UBE2H: variants seen among roughly 807,000 people sequenced by gnomAD.
UBE2H encodes ubiquitin-conjugating enzyme E2 H.
A neutral mutation model predicts 29.0 loss-of-function variants in UBE2H; 3 were observed. The observed-to-expected ratio is 0.10, with a 90% CI of 0.05 to 0.27. UBE2H has a LOEUF of 0.27. UBE2H is among the 10% of genes least tolerant of loss of function. The pLI is 1.00. For missense variants in UBE2H, 68 were observed against 228.2 expected (o/e 0.30, Z 4.52); for synonymous variants, 69 against 82.9 (o/e 0.83, Z 0.91).
chr7:129,841,588 G>A (rs976412985), intron 5 of UBE2H, among the ~76,000 whole-genome samples: 10 of 152,062 alleles, frequency 6.6e-5, no homozygotes, highest in Admixed American at 2.0e-4. Context: ...ATCCTGTATT[G>A]GACAGTGCAG....
chr7:129,885,672 G>T (rs1806345554), intron 1 of UBE2H, among the ~76,000 whole-genome samples: 1 of 152,130 alleles, frequency 6.6e-6, no homozygotes, highest in Non-Finnish European at 1.5e-5. Context: ...TACCTCATAT[G>T]AAAACCCAAA....
chr7:129,901,524 G>C (rs1398352035), intron 1 of UBE2H, among the ~76,000 whole-genome samples: 2 of 152,202 alleles, frequency 1.3e-5, no homozygotes, highest in Non-Finnish European at 2.9e-5. Flanking sequence ...ATTTCAACGA[G>C]ATTTTGAAGA....
At chr7:129,907,664 C>G (rs1418716362) in intron 1 of UBE2H, among the ~76,000 whole-genome samples, 1 of 152,142 alleles carries the variant, frequency 6.6e-6, no homozygotes, top group Non-Finnish European at 1.5e-5. Flanking sequence ...GAAAATTAAT[C>G]TGGCAACTGT....
At chr7:129,836,690 G>T (rs1805331396) in intron 6 of UBE2H, among the ~76,000 whole-genome samples, 1 of 151,942 alleles carries the variant, frequency 6.6e-6, no homozygotes, top group Non-Finnish European at 1.5e-5. Context: ...GACCAGCCTG[G>T]CCAACATGGT....
At chr7:129,845,794 A>G (rs1481857463) in intron 5 of UBE2H, among the ~76,000 whole-genome samples, 1 of 152,186 alleles carries the variant, frequency 6.6e-6, no homozygotes, top group Admixed American at 6.5e-5. Context: ...TTGCTCTTTG[A>G]CCTTGGGCAG....
At chr7:129,880,848 G>T in intron 2 of UBE2H, 47 bp downstream of exon 2, 1 of 1,524,304 alleles carries the variant, frequency 6.6e-7, no homozygotes, top group South Asian at 1.2e-5. Context: ...TTAAGAAACA[G>T]AGTAAAAGAC....
chr7:129,851,356 T>C (rs1230129258), intron 5 of UBE2H, among the ~76,000 whole-genome samples: 1 of 152,232 alleles, frequency 6.6e-6, no homozygotes, highest in African/African-American at 2.4e-5. Context: ...GTTATTAACC[T>C]TCCAGAAATG....
At chr7:129,864,552 C>CTTTTTTTTTTTTT (rs757244811) in intron 3 of UBE2H, among the ~76,000 whole-genome samples, 19 of 75,660 alleles carry the variant, frequency 2.5e-4, no homozygotes, top group East Asian at 4.1e-4. Flanking sequence ...TTTTTCTTTT[C>CTTTTTTTTTTTTT]TTTCTTTTTT....
chr7:129,909,679 G>A (rs1041510701), intron 1 of UBE2H, among the ~76,000 whole-genome samples: 1 of 151,904 alleles, frequency 6.6e-6, no homozygotes, highest in Non-Finnish European at 1.5e-5. Context: ...AACATAATGA[G>A]ACCCTGTCTG....
intron 1 of UBE2H, among the ~76,000 whole-genome samples, chr7:129,934,561 C>T (rs1172177074): frequency 6.8e-6 from 1 of 148,108 alleles, no homozygotes; most frequent in Non-Finnish European, 1.5e-5. Context: ...TCGCTTGAAC[C>T]TGGGAGGTAG....
At chr7:129,913,198 G>A (rs1399770077) in intron 1 of UBE2H, among the ~76,000 whole-genome samples, 2 of 147,884 alleles carry the variant, frequency 1.4e-5, no homozygotes, top group Admixed American at 6.9e-5. Flanking sequence ...GCTGCAGTGA[G>A]CCGAGATCAT....
At chr7:129,850,778 G>A (rs1242991772) in intron 5 of UBE2H, among the ~76,000 whole-genome samples, 1 of 150,654 alleles carries the variant, frequency 6.6e-6, no homozygotes, top group African/African-American at 2.4e-5. Flanking sequence ...TTGCGCCACT[G>A]CACTCCAGCC....
chr7:129,918,862 C>T (rs1248992228), intron 1 of UBE2H, among the ~76,000 whole-genome samples: 1 of 152,042 alleles, frequency 6.6e-6, no homozygotes, highest in Non-Finnish European at 1.5e-5. Context: ...GCAGGTAGAT[C>T]ACTTGAGCCC....
chr7:129,854,060 G>GGTTTTTTTTTTTTTTTTTATTTT lies in UBE2H; in HGVS notation c.298+3450_298+3451insAAAATAAAAAAAAAAAAAAAAAC, dbSNP rs1554430936. On this transcript the variant is annotated intron_variant, in intron 5 of 6. Coordinates refer to ENST00000355621, the MANE Select transcript of UBE2H (RefSeq NM_003344.4). Reference sequence around the variant, plus strand: ...TTCTCCTATTAGTTATTTAGTGTTAGTTTTTTTTTTTTTTTTTTTTTTGGC... The same window carrying GGTTTTTTTTTTTTTTTTTATTTT: ...TTCTCCTATTAGTTATTTAGTGTTAGGTTTTTTTTTTTTTTTTTATTTTTTTTTTTTTTTTTTTTTTTTTTGGC... Among the ~76,000 whole-genome samples the GGTTTTTTTTTTTTTTTTTATTTT allele has an allele frequency of 2.7e-3, 274 of 100,200 alleles. 4 individuals carry two copies. The highest frequency in any genetic ancestry group is 4.0e-3 in the Non-Finnish European group (200 of 50,542). The allele number at this position is 100,200 out of a possible 152,430, so 65.7% of individuals were successfully genotyped here. A position where few individuals can be genotyped will look rare whatever the true frequency, so the allele number is the denominator to read the frequency against.
chr7:129,874,686 T>C (rs748060282), intron 3 of UBE2H, among the ~76,000 whole-genome samples: 10 of 152,054 alleles, frequency 6.6e-5, no homozygotes, highest in Non-Finnish European at 1.2e-4. Flanking sequence ...ATTATGATTA[T>C]TAGCTCTAAA....
At chr7:129,859,000 C>T in intron 3 of UBE2H, 59 bp from the exon 4 acceptor site, 1 of 1,403,232 alleles carries the variant, frequency 7.1e-7, no homozygotes, top group Non-Finnish European at 1.0e-6. Context: ...AAAAGTATTT[C>T]AGTACTGGAA....
chr7:129,926,313 C>G (rs939726696), intron 1 of UBE2H, among the ~76,000 whole-genome samples: 2 of 151,684 alleles, frequency 1.3e-5, no homozygotes, highest in African/African-American at 4.8e-5. Flanking sequence ...AGTTCGAGAC[C>G]AGCCTGACCA....
chr7:129,885,030 C>T (rs774371883), intron 1 of UBE2H, among the ~76,000 whole-genome samples: 3 of 151,724 alleles, frequency 2.0e-5, no homozygotes, highest in Non-Finnish European at 4.4e-5. Flanking sequence ...TTGTGCCACT[C>T]CACTCCAGCC....
At chr7:129,947,239 A>G (rs929396871) in intron 1 of UBE2H, among the ~76,000 whole-genome samples, 10 of 152,230 alleles carry the variant, frequency 6.6e-5, no homozygotes, top group Admixed American at 1.3e-4. Flanking sequence ...CCTAACCAAA[A>G]TAAGTACCAG....
Sources: allele counts gnomAD v4.1 joint callset (sites outside exome capture counted in the v4.1 genomes callset), GRCh38; gene constraint gnomAD v4.1.1; transcripts MANE v1.5; gene names NCBI Gene and HGNC (gene_info 2026-07-23, HGNC 2026-07-21).